Variants in MYO1D observed in about 807,000 individuals in gnomAD.
MYO1D encodes the protein myosin ID, also known as unconventional myosin-Id.
In MYO1D, 83 loss-of-function variants were observed where a neutral mutation model predicts 122.0. The ratio of observed to expected loss-of-function variants is 0.68; its 90% CI spans 0.57 to 0.82. The LOEUF (loss-of-function observed/expected upper bound fraction) is 0.82. Among genes scored for constraint, MYO1D ranks in the 40% least tolerant of loss-of-function variants. The probability of loss-of-function intolerance (pLI) is 0.00; values close to 1 mark genes in which losing one functional copy is unlikely to be tolerated. For missense variants in MYO1D, 1,157 were observed against 1,269.5 expected, an observed-to-expected ratio of 0.91 and a Z score of 1.35; for synonymous variants, 464 against 446.9, an observed-to-expected ratio of 1.04 and a Z score of -0.48.
At chr17:32,633,498 C>G (rs1419107668) in intron 20 of MYO1D, among the ~76,000 whole-genome samples, 2 of 152,108 alleles carry the variant, frequency 1.3e-5, no homozygotes, top group African/African-American at 4.8e-5. Context: ...TTACTTACAT[C>G]CTCCTCTTAC....
At chr17:32,819,602 A>C (rs909589088) in intron 1 of MYO1D, among the ~76,000 whole-genome samples, 1 of 152,198 alleles carries the variant, frequency 6.6e-6, no homozygotes, top group Non-Finnish European at 1.5e-5. Context: ...GCTTCAGGAA[A>C]GCAATGACCC....
intron 15 of MYO1D, among the ~76,000 whole-genome samples, chr17:32,713,538 C>T (rs2089405111): frequency 6.6e-6 from 1 of 152,150 alleles, no homozygotes; most frequent in Non-Finnish European, 1.5e-5. Flanking sequence ...TCAAGTTTTA[C>T]AGTTCCAGGC....
intron 21 of MYO1D, among the ~76,000 whole-genome samples, chr17:32,581,975 GGCTGGTCTTGA>G (rs1192417928): frequency 6.6e-6 from 1 of 152,172 alleles, no homozygotes; most frequent in Non-Finnish European, 1.5e-5. Flanking sequence ...ATGTTGGCCA[GGCTGGTCTTGA>G]ACTCCTGACC....
intron 21 of MYO1D, among the ~76,000 whole-genome samples, chr17:32,583,017 T>C (rs1018745840): frequency 3.9e-5 from 6 of 152,230 alleles, no homozygotes; most frequent in Admixed American, 6.5e-5. Context: ...TATTTCCATG[T>C]AGTATATTTT....
intron 13 of MYO1D, among the ~76,000 whole-genome samples, chr17:32,744,497 A>G (rs2089809324): frequency 6.6e-6 from 1 of 152,098 alleles, no homozygotes; most frequent in African/African-American, 2.4e-5. Flanking sequence ...ACATTTTTTC[A>G]CAGCTGTATC....
At chr17:32,687,560 C>G (rs1365244130) in intron 16 of MYO1D, among the ~76,000 whole-genome samples, 1 of 151,938 alleles carries the variant, frequency 6.6e-6, no homozygotes. Flanking sequence ...CCAGGCTGGT[C>G]TTGAATTCCT....
At chr17:32,571,327 C>T (rs1218833508) in intron 21 of MYO1D, among the ~76,000 whole-genome samples, 1 of 152,134 alleles carries the variant, frequency 6.6e-6, no homozygotes, top group Non-Finnish European at 1.5e-5. Flanking sequence ...TTAACCCTGG[C>T]AACCCCGCCT....
chr17:32,788,526 A>G (rs2090320077), intron 1 of MYO1D, among the ~76,000 whole-genome samples: 1 of 152,120 alleles, frequency 6.6e-6, no homozygotes, highest in Admixed American at 6.6e-5. Context: ...TTTACTGAAT[A>G]GGGTGTCTTT....
At chr17:32,639,752 T>C (rs1043383133) in intron 19 of MYO1D, among the ~76,000 whole-genome samples, 14 of 152,210 alleles carry the variant, frequency 9.2e-5, no homozygotes, top group Admixed American at 3.3e-4. Flanking sequence ...CACTACGATA[T>C]CATGTTTTTC....
intron 1 of MYO1D, among the ~76,000 whole-genome samples, chr17:32,871,696 G>A (rs943364794): frequency 8.5e-5 from 13 of 152,196 alleles, no homozygotes; most frequent in African/African-American, 3.1e-4. Flanking sequence ...GACACCGTCC[G>A]TGGCTCAAGT....
intron 20 of MYO1D, among the ~76,000 whole-genome samples, chr17:32,619,870 T>C (rs1226296112): frequency 6.6e-6 from 1 of 152,238 alleles, no homozygotes; most frequent in Non-Finnish European, 1.5e-5. Context: ...ATTTTCCTTA[T>C]CCTATTCTGA....
chr17:32,786,694 C>T (rs1379623380), intron 1 of MYO1D, among the ~76,000 whole-genome samples: 1 of 152,120 alleles, frequency 6.6e-6, no homozygotes, highest in Non-Finnish European at 1.5e-5. Context: ...GTGGCGCATA[C>T]CTGTAATCCC....
In MYO1D at chr17:32,767,651, A is replaced by G. The variant is rs2090071357; in HGVS notation, c.816T>C (p.Ala272=). The G allele has an allele frequency of 1.2e-6, 2 of 1,610,368 alleles. No individual in the cohort carries two copies. Among genetic ancestry groups the G allele is most frequent in the Non-Finnish European group, 1.7e-6 (2 of 1,177,086 alleles). The stretch of plus-strand genomic sequence containing the variant: ...CCCTACTCACCAAGTGCAGAATAGC[A>G]GCCAAAATCTTATACACTGTTTGGA... ...EEIQTVYKIL[A]AILHLGNLKF... Residue 272 remains alanine, a synonymous_variant, in exon 7 of 22, where the codon GCT becomes GCC. Coordinates refer to ENST00000318217, the MANE Select transcript of MYO1D (RefSeq NM_015194.3).
chr17:32,649,085 TATC>T (rs1339668576), intron 19 of MYO1D, among the ~76,000 whole-genome samples: 1 of 152,230 alleles, frequency 6.6e-6, no homozygotes, highest in Non-Finnish European at 1.5e-5. Flanking sequence ...GTGCTATTGT[TATC>T]ATAAATTTTA....
intron 16 of MYO1D, among the ~76,000 whole-genome samples, chr17:32,663,563 T>C (rs2088599206): frequency 6.6e-6 from 1 of 152,200 alleles, no homozygotes; most frequent in African/African-American, 2.4e-5. Flanking sequence ...AGTGTTCCTT[T>C]TTCATGTCTA....
chr17:32,822,855 C>T (rs375064729), intron 1 of MYO1D, among the ~76,000 whole-genome samples: 10 of 151,784 alleles, frequency 6.6e-5, no homozygotes, highest in Admixed American at 2.0e-4. Flanking sequence ...GCGTGAGACT[C>T]AGCCGGCGTC....
chr17:32,853,845 T>G (rs1222748663), intron 1 of MYO1D, among the ~76,000 whole-genome samples: 1 of 152,166 alleles, frequency 6.6e-6, no homozygotes, highest in Non-Finnish European at 1.5e-5. Flanking sequence ...TGTCAATAAA[T>G]TATTGAAACA....
At chr17:32,676,765 A>C (rs1313358198) in intron 16 of MYO1D, among the ~76,000 whole-genome samples, 1 of 152,046 alleles carries the variant, frequency 6.6e-6, no homozygotes, top group Non-Finnish European at 1.5e-5. Context: ...CATTTTCTGT[A>C]TTTGCAACTA....
chr17:32,797,631 T>C (rs890978753), intron 1 of MYO1D, among the ~76,000 whole-genome samples: 2 of 152,164 alleles, frequency 1.3e-5, no homozygotes, highest in South Asian at 2.1e-4. Flanking sequence ...TATGTACATA[T>C]AGAAAAAAAC....
Sources: gnomAD v4.1 joint callset for allele counts (sites outside exome capture counted in the v4.1 genomes callset) on GRCh38, gnomAD v4.1.1 for gene constraint, MANE v1.5 for transcripts, NCBI Gene and HGNC (gene_info 2026-07-23, HGNC 2026-07-21) for gene names.